The following ZFP90 variants were observed in gnomAD, a reference collection of about 807,000 sequenced individuals.
ZFP90 encodes zinc finger protein 90 homolog.
A neutral mutation model predicts 60.8 loss-of-function variants in ZFP90; 38 were observed. The observed-to-expected ratio is 0.62, with a 90% CI of 0.48 to 0.82. The LOEUF is 0.82. ZFP90 is among the 40% of genes least tolerant of loss of function. The pLI is 0.00. For synonymous variants in ZFP90, 287 were observed against 264.8 expected, an observed-to-expected ratio of 1.08 and a Z score of -0.82; for missense variants, 711 against 759.1, an observed-to-expected ratio of 0.94 and a Z score of 0.74.
chr16:68,551,845 G>A (rs558476495), intron 2 of ZFP90, among the ~76,000 whole-genome samples: 5 of 151,944 alleles, frequency 3.3e-5, no homozygotes, highest in East Asian at 3.9e-4. Context: ...TGCAAGCTCC[G>A]CCTCCCAGGT....
intron 2 of ZFP90, among the ~76,000 whole-genome samples, chr16:68,542,672 G>C (rs945668629): frequency 1.3e-5 from 2 of 152,152 alleles, no homozygotes. Context: ...GCAAGAAGAT[G>C]GCGGTGCATG....
chr16:68,555,169 C>T (rs1038576195), intron 2 of ZFP90: 2 of 152,284 alleles, frequency 1.3e-5, no homozygotes, highest in African/African-American at 4.8e-5. Context: ...AGCACCTCAC[C>T]TTACTGTGTA....
chr16:68,535,826 A>G (rs1412518908), upstream of ZFP90, among the ~76,000 whole-genome samples: 1 of 152,150 alleles, frequency 6.6e-6, no homozygotes, highest in Non-Finnish European at 1.5e-5. Flanking sequence ...TCATCAATAC[A>G]TTTTAAAAGA....
At chr16:68,575,361 A>C (rs569485828) in intron 2 of ZFP90, among the ~76,000 whole-genome samples, 20 of 152,086 alleles carry the variant, frequency 1.3e-4, no homozygotes, top group Non-Finnish European at 2.2e-4. Flanking sequence ...TATGCTGACA[A>C]CTGAAGGGTG....
In ZFP90 at chr16:68,558,479, A is replaced by C. The variant is rs1364183379; in HGVS notation, c.167A>C (p.Gln56Pro). Residue 56 changes from glutamine (Q) to proline (P), a missense_variant, in exon 4 of 5, where the codon CAA becomes CCA. Physicochemically the swap from Gln to Pro is moderately conservative, Grantham distance 76. Transcript: ENST00000563169. ...NYSHLVSLGY[Q>P]VSKPEVIFKL... ...TGTATTTACCCATGAGCAGGATATC[A>C]AGTTTCCAAGCCAGAGGTGATCTTC... The C allele has an allele frequency of 6.2e-7, 1 of 1,613,966 alleles. No individual in the cohort carries two copies. Among genetic ancestry groups the C allele is most frequent in the South Asian group, 1.1e-5 (1 of 91,060 alleles).
chr16:68,538,111 C>T (rs1198426423), upstream of ZFP90, among the ~76,000 whole-genome samples: 2 of 151,948 alleles, frequency 1.3e-5, no homozygotes, highest in African/African-American at 4.8e-5. Context: ...GAGCTATCTC[C>T]ATGTTGGTCA....
Position 68,563,266 on chromosome 16 carries a change from T to G in ZFP90, c.479T>G (p.Phe160Cys). Reference sequence around the variant, plus strand: ...CAAGAAAATTTTGAGCAAAATAAATTTGGTGAAAATTCTAGATTGAACACC... The same window carrying G: ...CAAGAAAATTTTGAGCAAAATAAATGTGGTGAAAATTCTAGATTGAACACC... ...TPQENFEQNK[F>C]GENSRLNTNL... Residue 160 changes from phenylalanine to cysteine, a missense_variant, in exon 5 of 5, where the codon TTT becomes TGT. Phe to Cys is a radical substitution (Grantham distance 205, BLOSUM62 -2). Transcript: ENST00000563169. 6.2e-7 allele frequency: 1 copy of G among 1,613,722 alleles called. No individual in the cohort carries two copies. Among genetic ancestry groups the G allele is most frequent in the East Asian group, 2.2e-5 (1 of 44,886 alleles).
chr16:68,576,042 A>G (rs909915313), exon 3 of ZFP90: 3 of 23,752 alleles, frequency 1.3e-4, no homozygotes, highest in African/African-American at 4.0e-4. Flanking sequence ...CATTTATTTA[A>G]AAAAAAAAAA....
rs1335535435 is a variant in ZFP90, at chr16:68,565,405, C to G, written c.*707C>G. ...TTAATGGGCACCTATGGGTTGGACA[C>G]TTTGAGAATTCTTAAAAGTATAAGT... On this transcript the variant is annotated 3_prime_UTR_variant, in exon 5 of 5. Transcript: ENST00000563169. The G allele has an allele frequency of 1.0e-6, 1 of 985,460 alleles. No individual in the cohort carries two copies. The highest frequency in any genetic ancestry group is 1.2e-6 in the Non-Finnish European group (1 of 829,938). 61.0% of individuals were successfully genotyped at this position (985,460 alleles called of 1,614,324 possible). A position where few individuals can be genotyped will look rare whatever the true frequency, so the allele number is the denominator to read the frequency against.
At chr16:68,555,164 C>G (rs569116794) in intron 2 of ZFP90, 58 of 152,394 alleles carry the variant, frequency 3.8e-4, no homozygotes, top group African/African-American at 1.4e-3. Flanking sequence ...CCTGCAGCAC[C>G]TCACCTTACT....
chr16:68,576,127 T>C (rs1035091906), downstream of ZFP90: 2 of 224,076 alleles, frequency 8.9e-6, no homozygotes, highest in South Asian at 3.7e-4. Flanking sequence ...TCTCCCCAGC[T>C]CCTCAGTATC....
exon 3 of ZFP90, chr16:68,575,830 G>A: frequency 5.0e-6 from 2 of 398,414 alleles, no homozygotes; most frequent in Non-Finnish European, 8.8e-6. Flanking sequence ...CCATCTGGGA[G>A]TAAGGGCGAA....
chr16:68,542,944 GTAAA>G (rs1243846372), intron 2 of ZFP90, among the ~76,000 whole-genome samples: 1 of 152,118 alleles, frequency 6.6e-6, no homozygotes, highest in Non-Finnish European at 1.5e-5. Context: ...GAAGAATTCA[GTAAA>G]TAAATAAATT....
chr16:68,563,444 C>T lies in ZFP90; in HGVS notation c.657C>T (p.Ala219=). The change falls in exon 5 of 5, where the codon GCC becomes GCT. Residue 219 remains alanine (A), a synonymous_variant. Coordinates refer to ENST00000563169, the MANE Select transcript of ZFP90 (RefSeq NM_001305203.2). ...ATAAGTGTGATAAATGTAGAAAAGC[C>T]TTTATTCATAGATCATCGCTTACTA... The part of the protein sequence containing the change: ...KPYKCDKCRK[A]FIHRSSLTKH... 2.5e-6 allele frequency: 4 copies of T among 1,613,734 alleles called. No individual in the cohort carries two copies. Among genetic ancestry groups the T allele is most frequent in the South Asian group, 2.2e-5 (2 of 90,972 alleles).
chr16:68,552,996 G>A (rs894195318), intron 2 of ZFP90, among the ~76,000 whole-genome samples: 2 of 152,108 alleles, frequency 1.3e-5, no homozygotes, highest in Non-Finnish European at 2.9e-5. Context: ...AGGCTGCAGT[G>A]ATCTATGATT....
At chr16:68,539,924 C>T (rs1597710240) in intron 2 of ZFP90, 99 bp downstream of exon 2, 1 of 1,480,684 alleles carries the variant, frequency 6.8e-7, no homozygotes, top group East Asian at 2.5e-5. Flanking sequence ...CCTGGCGACT[C>T]CCTTACTTGC....
rs137858037 is a variant in ZFP90, at chr16:68,560,188, A to G, written c.256+1620A>G. Among the ~76,000 whole-genome samples the G allele has an allele frequency of 6.4e-3, 970 of 152,242 alleles. 27 individuals carry two copies. The highest frequency in any genetic ancestry group is 2.5e-3 in the Non-Finnish European group (173 of 68,028). Reference sequence around the variant, plus strand: ...GAGCATAGAGGTCAGTGGTTTTTTCATATATTCAGATAGTTGTACAAACAG... The same window carrying G: ...GAGCATAGAGGTCAGTGGTTTTTTCGTATATTCAGATAGTTGTACAAACAG... On this transcript the variant is annotated intron_variant, in intron 4 of 4. Coordinates refer to ENST00000563169, the MANE Select transcript of ZFP90 (RefSeq NM_001305203.2).
chr16:68,563,475 G>T lies in ZFP90; in HGVS notation c.688G>T (p.Glu230Ter). ...FIHRSSLTKHEKTHKGEGAFP... is the reference protein window; with the variant it reads ...FIHRSSLTKH ...TCATAGATCATCGCTTACTAAACAT[G>T]AGAAAACACATAAAGGAGAGGGAGC... Residue 230 changes from glutamate (E) to a stop codon, truncating the protein, a stop_gained, in exon 5 of 5, where the codon GAG becomes TAG. Transcript: ENST00000563169. LOFTEE classifies it high-confidence loss of function. 6.2e-7 allele frequency: 1 copy of T among 1,614,144 alleles called. No homozygotes were observed. Among genetic ancestry groups the T allele is most frequent in the Non-Finnish European group, 8.5e-7 (1 of 1,180,032 alleles).
chr16:68,534,687 C>T (rs1336619104), upstream of ZFP90, among the ~76,000 whole-genome samples: 4 of 151,608 alleles, frequency 2.6e-5, no homozygotes, highest in East Asian at 5.9e-4. Context: ...GGGTGGATCA[C>T]GAGGTCAGGA....
Sources: allele counts gnomAD v4.1 joint callset (sites outside exome capture counted in the v4.1 genomes callset), GRCh38; gene constraint gnomAD v4.1.1; transcripts MANE v1.5; gene names NCBI Gene and HGNC (gene_info 2026-07-23, HGNC 2026-07-21).